The following PDZD2 variants were observed in gnomAD, a reference collection of about 807,000 sequenced individuals.
PDZD2 encodes PDZ domain containing 2.
PDZD2 carries 90 observed loss-of-function variants against 220.7 expected under a neutral mutation model. The ratio of observed to expected loss-of-function variants is 0.41; its 90% CI spans 0.34 to 0.49. The LOEUF is 0.49. PDZD2 is among the 20% of genes least tolerant of loss of function. PDZD2 has a pLI of 0.28. For synonymous variants in PDZD2, 1,375 were observed against 1,450.5 expected (o/e 0.95, Z 1.18); for missense variants, 3,174 against 3,608.5 (o/e 0.88, Z 3.08).
intron 1 of PDZD2, among the ~76,000 whole-genome samples, chr5:31,796,190 G>T (rs1305607215): frequency 2.0e-5 from 3 of 152,170 alleles, no homozygotes; most frequent in African/African-American, 4.8e-5. Flanking sequence ...TTCATTTAAA[G>T]TTTTGTTTAG....
chr5:31,905,181 A>G (rs1742533455), intron 2 of PDZD2, among the ~76,000 whole-genome samples: 1 of 152,106 alleles, frequency 6.6e-6, no homozygotes, highest in Non-Finnish European at 1.5e-5. Flanking sequence ...AGGTTTCACC[A>G]TGTTGGCCAG....
chr5:31,895,426 A>G (rs1561549889), intron 2 of PDZD2, among the ~76,000 whole-genome samples: 2 of 152,116 alleles, frequency 1.3e-5, no homozygotes, highest in Admixed American at 1.3e-4. Flanking sequence ...CCATCTATGA[A>G]TGACCTCTCA....
In PDZD2 at chr5:31,849,905, C is replaced by CAT. The variant is rs1273295441; in HGVS notation, c.476+50193_476+50194dup. Among the ~76,000 whole-genome samples, 4 of 22,068 alleles carry CAT rather than the reference C, an allele frequency of 1.8e-4. 1 individual carries two copies. The highest frequency in any genetic ancestry group is 3.1e-4 in the Non-Finnish European group (4 of 13,106). 14.5% of individuals were successfully genotyped at this position (22,068 alleles called of 152,430 possible). Reference sequence around the variant, plus strand: ...ATATATATACACATATATATATATACATATATATATATACATATATATATA... The same window carrying CAT: ...ATATATATACACATATATATATATACATATATATATATATACATATATATATA... On this transcript the variant is annotated intron_variant, in intron 2 of 24. Transcript: ENST00000438447.
intron 1 of PDZD2, among the ~76,000 whole-genome samples, chr5:31,722,371 A>T (rs745902094): frequency 1.1e-4 from 17 of 151,980 alleles, no homozygotes; most frequent in Non-Finnish European, 2.2e-4. Context: ...GCCTGGACGG[A>T]CAGCCTGCCC....
chr5:31,705,231 A>G lies in PDZD2; in HGVS notation c.-361+65794A>G, dbSNP rs942736622. Among the ~76,000 whole-genome samples, 74 of 151,326 alleles carry G rather than the reference A, an allele frequency of 4.9e-4. 1 individual carries two copies. The highest frequency in any genetic ancestry group is 1.7e-3 in the African/African-American group (69 of 41,112). On this transcript the variant is annotated intron_variant, in intron 1 of 24. Coordinates refer to ENST00000438447, the MANE Select transcript of PDZD2 (RefSeq NM_178140.4). ...ACACATACACACTCACACTCACTCT[A>G]CTGGCTCTGTTCCCTCCAGAAGTTT... is the stretch of plus-strand genomic sequence containing the variant.
At position 32,088,035 on chromosome 5, in the gene PDZD2, T is replaced by C. The variant is rs148082852; in HGVS notation, c.4587T>C (p.Ser1529=). 211 of 1,613,946 alleles carry C rather than the reference T, an allele frequency of 1.3e-4. No individual in the cohort carries two copies. Among genetic ancestry groups the C allele is most frequent in the Non-Finnish European group, 1.7e-4 (202 of 1,179,974 alleles). ...FLSNYSRNFS[S]FHEDSTSLSG... ...GCAACTACTCTAGAAATTTTAGCAG[T>C]TTTCATGAAGACAGCACCTCCCTAT... The change falls in exon 20 of 25, where the codon AGT becomes AGC. Residue 1529 remains serine, a synonymous_variant. Coordinates refer to ENST00000438447, the MANE Select transcript of PDZD2 (RefSeq NM_178140.4). The surrounding 1 kb of genome is among the most constrained non-coding windows in gnomAD (Gnocchi z 4.6).
intron 1 of PDZD2, among the ~76,000 whole-genome samples, chr5:31,709,738 C>T (rs1287609432): frequency 6.6e-6 from 1 of 152,170 alleles, no homozygotes; most frequent in Admixed American, 6.5e-5. Context: ...GGTGTGTCAT[C>T]TGAGGCCAGG....
chr5:31,895,167 C>T (rs905545183), intron 2 of PDZD2, among the ~76,000 whole-genome samples: 1 of 152,204 alleles, frequency 6.6e-6, no homozygotes, highest in Non-Finnish European at 1.5e-5. Flanking sequence ...GGATTACAGG[C>T]GTGAGCCACC....
intron 20 of PDZD2, 87 bp downstream of exon 20, chr5:32,091,262 T>C: frequency 1.1e-6 from 1 of 909,956 alleles, no homozygotes; most frequent in Non-Finnish European, 1.6e-6. Context: ...GCAAAGATAA[T>C]GCAGAGTTCC....
chr5:31,668,481 G>A (rs1405238075), intron 1 of PDZD2, among the ~76,000 whole-genome samples: 1 of 152,184 alleles, frequency 6.6e-6, no homozygotes, highest in Non-Finnish European at 1.5e-5. Flanking sequence ...GGATCTGGCT[G>A]GTTAACAGCA....
intron 2 of PDZD2, among the ~76,000 whole-genome samples, chr5:31,819,801 C>A (rs1561484172): frequency 6.6e-6 from 1 of 152,108 alleles, no homozygotes. Context: ...TTGCAAATTG[C>A]TTTCCCCAAG....
chr5:32,084,928 C>T (rs1019591172), intron 19 of PDZD2, among the ~76,000 whole-genome samples: 1 of 143,068 alleles, frequency 7.0e-6, no homozygotes, highest in Admixed American at 7.0e-5. Context: ...TTTCTTGCTT[C>T]TCTGCTTTCA....
At chr5:32,007,496 A>G (rs1346510116) in intron 5 of PDZD2, among the ~76,000 whole-genome samples, 1 of 152,144 alleles carries the variant, frequency 6.6e-6, no homozygotes, top group Non-Finnish European at 1.5e-5. Context: ...AGGCCTAACA[A>G]TATAGGATTC....
intron 2 of PDZD2, among the ~76,000 whole-genome samples, chr5:31,855,866 A>G (rs959002541): frequency 3.3e-5 from 5 of 152,212 alleles, no homozygotes; most frequent in Non-Finnish European, 5.9e-5. Context: ...CCTCTCTACT[A>G]GGTAGTTGAT....
At chr5:31,751,942 G>A (rs1311641929) in intron 1 of PDZD2, among the ~76,000 whole-genome samples, 1 of 151,880 alleles carries the variant, frequency 6.6e-6, no homozygotes, top group Non-Finnish European at 1.5e-5. Flanking sequence ...CATCTTTGAG[G>A]GAGGATTTCT....
chr5:31,806,937 T>TG (rs990271121), intron 2 of PDZD2, among the ~76,000 whole-genome samples: 1 of 151,082 alleles, frequency 6.6e-6, no homozygotes, highest in Non-Finnish European at 1.5e-5. Flanking sequence ...CTTTGTTTTT[T>TG]TTTTTTTTTT....
At chr5:31,768,168 A>C (rs1752135376) in intron 1 of PDZD2, among the ~76,000 whole-genome samples, 1 of 152,226 alleles carries the variant, frequency 6.6e-6, no homozygotes. Flanking sequence ...AAAGAGGTTT[A>C]GCAACAGCAC....
intron 2 of PDZD2, among the ~76,000 whole-genome samples, chr5:31,896,413 G>T (rs890493155): frequency 6.6e-6 from 1 of 151,294 alleles, no homozygotes; most frequent in Non-Finnish European, 1.5e-5. Context: ...ACAGTTTAGT[G>T]CCTAGGTCTT....
chr5:31,713,782 G>A (rs988631087), intron 1 of PDZD2, among the ~76,000 whole-genome samples: 3 of 152,168 alleles, frequency 2.0e-5, no homozygotes, highest in African/African-American at 7.2e-5. Flanking sequence ...CCTGACCTCA[G>A]GTGATCCACC....
Sources: allele counts gnomAD v4.1 joint callset (sites outside exome capture counted in the v4.1 genomes callset), GRCh38; gene constraint gnomAD v4.1.1; non-coding constraint Gnocchi (gnomAD v3.1); transcripts MANE v1.5; gene names NCBI Gene and HGNC (gene_info 2026-07-23, HGNC 2026-07-21).